TEX9: variants seen among roughly 807,000 people sequenced by gnomAD.
TEX9 encodes the protein testis expressed 9.
TEX9 carries 74 observed loss-of-function variants against 59.6 expected under a neutral mutation model. The ratio of observed to expected loss-of-function variants is 1.24; its 90% CI spans 1.03 to 1.51. The LOEUF (loss-of-function observed/expected upper bound fraction) is 1.51, where lower values mean the gene tolerates loss of function less well. TEX9 is among the 40% of genes most tolerant of loss of function. TEX9 has a pLI of 0.00. For synonymous variants in TEX9, 186 were observed against 152.2 expected (o/e 1.22, Z -1.64); for missense variants, 522 against 447.8 (o/e 1.17, Z -1.49).
At chr15:56,441,429 G>A (rs1321306273) in intron 12 of TEX9, among the ~76,000 whole-genome samples, 4 of 151,838 alleles carry the variant, frequency 2.6e-5, no homozygotes, top group Non-Finnish European at 2.9e-5. Flanking sequence ...GATATCCTGC[G>A]GTTCTGACTA....
intron 1 of TEX9, among the ~76,000 whole-genome samples, chr15:56,350,664 A>G (rs775469849): frequency 1.4e-4 from 22 of 152,170 alleles, no homozygotes; most frequent in Non-Finnish European, 2.9e-4. Context: ...CTGCTGGGGA[A>G]TACAGCAATC....
chr15:56,269,391 C>A (rs1255765695), intron 1 of TEX9, among the ~76,000 whole-genome samples: 1 of 152,024 alleles, frequency 6.6e-6, no homozygotes, highest in African/African-American at 2.4e-5. Flanking sequence ...TCTTGCTTCT[C>A]TAGTTCTTTT....
downstream of TEX9, among the ~76,000 whole-genome samples, chr15:56,449,204 A>C (rs2050930161): frequency 6.6e-6 from 1 of 152,104 alleles, no homozygotes; most frequent in Non-Finnish European, 1.5e-5. Flanking sequence ...AAGATGACTA[A>C]AAGCTGTCAG....
intron 1 of TEX9, among the ~76,000 whole-genome samples, chr15:56,265,655 A>T (rs2044362459): frequency 6.6e-6 from 1 of 152,176 alleles, no homozygotes; most frequent in Non-Finnish European, 1.5e-5. Flanking sequence ...AAAATTTCCA[A>T]ATAGGATTTT....
At chr15:56,244,152 G>T (rs1448072923) in exon 1 of TEX9, 4 of 152,238 alleles carry the variant, frequency 2.6e-5, no homozygotes, top group African/African-American at 9.7e-5. Flanking sequence ...TATTTGGCGT[G>T]GAAATGGGAT....
intron 9 of TEX9, among the ~76,000 whole-genome samples, chr15:56,405,995 A>T (rs1298166364): frequency 2.0e-5 from 3 of 152,184 alleles, no homozygotes; most frequent in Non-Finnish European, 4.4e-5. Flanking sequence ...TTTTTAGCTT[A>T]TAATTCAATA....
chr15:56,350,980 C>T (rs1172380550), intron 1 of TEX9, among the ~76,000 whole-genome samples: 1 of 152,146 alleles, frequency 6.6e-6, no homozygotes, highest in Non-Finnish European at 1.5e-5. Flanking sequence ...AAAATATTTC[C>T]ATAGCTTCAC....
chr15:56,277,213 A>G (rs558617786), intron 1 of TEX9, among the ~76,000 whole-genome samples: 1 of 152,148 alleles, frequency 6.6e-6, no homozygotes, highest in South Asian at 2.1e-4. Flanking sequence ...CTCTGTTGCA[A>G]TTGCTTTTGG....
At chr15:56,427,509 G>T (rs1180903109) in intron 10 of TEX9, 96 bp from the exon 11 acceptor site, 3 of 833,754 alleles carry the variant, frequency 3.6e-6, no homozygotes, top group East Asian at 6.9e-5. Context: ...TTCAGTTTAA[G>T]AAAGTACTTT....
intron 9 of TEX9, among the ~76,000 whole-genome samples, chr15:56,403,366 G>A (rs1382474141): frequency 6.6e-5 from 10 of 152,180 alleles, no homozygotes; most frequent in African/African-American, 2.4e-4. Context: ...AATCATGAGT[G>A]AACTCCCATT....
At chr15:56,341,393 C>A (rs1340728375) in intron 1 of TEX9, among the ~76,000 whole-genome samples, 1 of 152,152 alleles carries the variant, frequency 6.6e-6, no homozygotes, top group African/African-American at 2.4e-5. Flanking sequence ...ACTGCTTTAA[C>A]GTATCTTGAA....
chr15:56,297,917 A>G lies in TEX9; in HGVS notation c.-107+53639A>G, dbSNP rs917697902. 3.9e-5 allele frequency among the ~76,000 whole-genome samples: 6 copies of G among 152,232 alleles called. 1 individual carries two copies. The highest frequency in any genetic ancestry group is 7.3e-5 in the Non-Finnish European group (5 of 68,030). On this transcript the variant is annotated intron_variant, in intron 1 of 5. Transcript: ENST00000560827. ...TGCCATAATTCTTTATGTCTATCAC[A>G]GGCTCTGGGGAAACATTTTACACAT...
chr15:56,441,449 T>C (rs1282531779), intron 12 of TEX9, among the ~76,000 whole-genome samples: 1 of 152,190 alleles, frequency 6.6e-6, no homozygotes, highest in Non-Finnish European at 1.5e-5. Context: ...ACCTAGTCTA[T>C]AGATTAATGA....
intron 1 of TEX9, among the ~76,000 whole-genome samples, chr15:56,288,307 A>G (rs531492590): frequency 1.3e-5 from 2 of 151,408 alleles, no homozygotes; most frequent in East Asian, 3.9e-4. Flanking sequence ...ACTAGCTTTT[A>G]CTAGAATTTT....
intron 12 of TEX9, chr15:56,431,585 G>A (rs1440503804): frequency 7.6e-7 from 1 of 1,311,540 alleles, no homozygotes; most frequent in East Asian, 2.4e-5. Context: ...CAATGAATTA[G>A]ATAAAATTGA....
chr15:56,250,554 G>C (rs1339490076), intron 1 of TEX9, among the ~76,000 whole-genome samples: 1 of 152,206 alleles, frequency 6.6e-6, no homozygotes, highest in East Asian at 1.9e-4. Context: ...AGTCTGAGGA[G>C]TTTGTGCTTC....
intron 2 of TEX9, among the ~76,000 whole-genome samples, chr15:56,369,090 T>C (rs1261126993): frequency 6.6e-6 from 1 of 152,122 alleles, no homozygotes; most frequent in Non-Finnish European, 1.5e-5. Context: ...TTTATGGTTA[T>C]TTAGTTCTAA....
chr15:56,394,629 T>G, intron 8 of TEX9, 32 bp from the exon 9 acceptor site: 1 of 1,427,706 alleles, frequency 7.0e-7, no homozygotes, highest in African/African-American at 1.5e-5. Flanking sequence ...CTTACATATT[T>G]TTTCACATAA....
At chr15:56,398,658 C>G (rs2048602671) in intron 9 of TEX9, among the ~76,000 whole-genome samples, 1 of 152,142 alleles carries the variant, frequency 6.6e-6, no homozygotes, top group African/African-American at 2.4e-5. Context: ...ATTTTCAGTT[C>G]CCATTTTGTG....
Sources: allele counts gnomAD v4.1 joint callset (sites outside exome capture counted in the v4.1 genomes callset), GRCh38; gene constraint gnomAD v4.1.1; transcripts MANE v1.5; gene names NCBI Gene and HGNC (gene_info 2026-07-23, HGNC 2026-07-21).